SLC2A13: variants seen among roughly 807,000 people sequenced by gnomAD.
SLC2A13 encodes the protein proton myo-inositol cotransporter.
Under a neutral mutation model 64.4 loss-of-function variants are expected in SLC2A13, and 32 were observed. The observed-to-expected ratio is 0.50, with a 90% confidence interval of 0.37 to 0.67. The LOEUF (loss-of-function observed/expected upper bound fraction) is 0.67, where lower values mean the gene tolerates loss of function less well. Ranked by LOEUF, SLC2A13 falls within the 30% of genes least tolerant of loss-of-function variation. The pLI is 0.00. For synonymous variants in SLC2A13, 338 were observed against 327.1 expected (o/e 1.03, Z -0.36); for missense variants, 743 against 829.2 (o/e 0.90, Z 1.28).
chr12:40,045,241 A>C (rs564858413), intron 2 of SLC2A13, among the ~76,000 whole-genome samples: 1 of 152,192 alleles, frequency 6.6e-6, no homozygotes, highest in Admixed American at 6.6e-5. Flanking sequence ...AAAATATTCA[A>C]ATTATTTGAA....
intron 4 of SLC2A13, among the ~76,000 whole-genome samples, chr12:39,881,179 G>A (rs11614400): frequency 0.029 from 4,417 of 152,328 alleles, 90 homozygotes; most frequent in Non-Finnish European, 0.049. Flanking sequence ...TAAAAGTTGT[G>A]TGGGTAACAC....
chr12:39,991,830 T>C (rs1316304858), intron 3 of SLC2A13, among the ~76,000 whole-genome samples: 1 of 152,152 alleles, frequency 6.6e-6, no homozygotes, highest in African/African-American at 2.4e-5. Context: ...ACGGTGATGG[T>C]AGTTGAGTTA....
intron 1 of SLC2A13, among the ~76,000 whole-genome samples, chr12:40,053,189 G>A (rs1592042873): frequency 6.6e-6 from 1 of 151,306 alleles, no homozygotes; most frequent in Non-Finnish European, 1.5e-5. Flanking sequence ...GGCTGAGGCA[G>A]GGGAATTGCT....
chr12:39,877,005 T>G (rs1262752694), intron 4 of SLC2A13, among the ~76,000 whole-genome samples: 1 of 152,180 alleles, frequency 6.6e-6, no homozygotes, highest in Non-Finnish European at 1.5e-5. Context: ...GCTATAAATA[T>G]ATATATTTTT....
At chr12:39,830,276 C>T (rs1014482060) in intron 6 of SLC2A13, 48 bp from the exon 7 acceptor site, 1 of 1,593,130 alleles carries the variant, frequency 6.3e-7, no homozygotes, top group African/African-American at 1.3e-5. Context: ...ACAACTGGTG[C>T]TCACCATATA....
chr12:39,772,929 C>T (rs1224802326), intron 7 of SLC2A13, among the ~76,000 whole-genome samples: 1 of 152,196 alleles, frequency 6.6e-6, no homozygotes, highest in Non-Finnish European at 1.5e-5. Flanking sequence ...GGCAGAGTTA[C>T]ATACTCAGCA....
intron 6 of SLC2A13, among the ~76,000 whole-genome samples, chr12:39,847,098 C>T (rs1482769348): frequency 6.6e-6 from 1 of 152,156 alleles, no homozygotes. Context: ...TTTCTTGTCA[C>T]CTGCAAAGTT....
chr12:39,780,085 T>A (rs1017904890), intron 7 of SLC2A13, among the ~76,000 whole-genome samples: 1 of 152,208 alleles, frequency 6.6e-6, no homozygotes, highest in African/African-American at 2.4e-5. Context: ...CCTCATTTGA[T>A]GAAATTGACT....
At chr12:39,997,952 A>T (rs148486923) in intron 3 of SLC2A13, among the ~76,000 whole-genome samples, 1 of 152,356 alleles carries the variant, frequency 6.6e-6, no homozygotes, top group East Asian at 1.9e-4. Context: ...CACTATGGAA[A>T]GCCGTGTGGA....
intron 3 of SLC2A13, among the ~76,000 whole-genome samples, chr12:39,969,677 T>C (rs1202864451): frequency 6.6e-6 from 1 of 152,154 alleles, no homozygotes; most frequent in Non-Finnish European, 1.5e-5. Flanking sequence ...TTTGTTGGAG[T>C]TCATTGTAGA....
At chr12:39,869,472 A>C (rs975899210) in intron 5 of SLC2A13, among the ~76,000 whole-genome samples, 1 of 152,202 alleles carries the variant, frequency 6.6e-6, no homozygotes, top group African/African-American at 2.4e-5. Context: ...AATTGGCCAC[A>C]TAATAAGGAA....
intron 2 of SLC2A13, among the ~76,000 whole-genome samples, chr12:40,047,436 A>C (rs181344548): frequency 6.6e-6 from 1 of 152,310 alleles, no homozygotes; most frequent in Admixed American, 6.5e-5. Flanking sequence ...AGTACTATAA[A>C]GATATCAAAA....
intron 1 of SLC2A13, among the ~76,000 whole-genome samples, chr12:40,094,910 A>G (rs1938887533): frequency 1.3e-5 from 2 of 152,236 alleles, no homozygotes; most frequent in South Asian, 4.1e-4. Context: ...CAGTTCATCT[A>G]TAGAAACAGG....
chr12:39,860,165 T>C (rs532296493), intron 6 of SLC2A13, among the ~76,000 whole-genome samples: 2 of 152,310 alleles, frequency 1.3e-5, no homozygotes, highest in South Asian at 4.1e-4. Flanking sequence ...AGGTGGTTAG[T>C]CTGTGTGCCC....
intron 7 of SLC2A13, among the ~76,000 whole-genome samples, chr12:39,767,695 T>C (rs4533100): frequency 0.97 from 147,993 of 152,192 alleles, 71,956 homozygotes; most frequent in East Asian, 1. Context: ...TTTTGAATTG[T>C]AGTTCCCATA....
At chr12:40,022,609 G>A (rs1382198550) in intron 3 of SLC2A13, among the ~76,000 whole-genome samples, 1 of 152,196 alleles carries the variant, frequency 6.6e-6, no homozygotes, top group Non-Finnish European at 1.5e-5. Context: ...GGCCAAGGCA[G>A]GTGGATCACT....
At position 39,951,139 on chromosome 12, in the gene SLC2A13, A is replaced by G. The variant is rs1946221673; in HGVS notation, c.1034+118T>C. On this transcript the variant is annotated intron_variant, in intron 4 of 9. Coordinates refer to ENST00000280871, the MANE Select transcript of SLC2A13 (RefSeq NM_052885.4). ...TCAGTATCTCCCAAAAGGAGAATTC[A>G]TACATTTAATCAGAACAAATCACTG... 3 of 780,242 alleles carry G rather than the reference A, an allele frequency of 3.8e-6. No individual in the cohort carries two copies. The East Asian group carries it at 9.1e-5, about 24-fold the overall frequency. The allele number at this position is 780,242 out of a possible 1,614,324, so 48.3% of individuals were successfully genotyped here.
At chr12:39,763,005 G>A (rs893248979) in intron 9 of SLC2A13, among the ~76,000 whole-genome samples, 4 of 151,894 alleles carry the variant, frequency 2.6e-5, no homozygotes, top group African/African-American at 9.7e-5. Context: ...TTATTATTTG[G>A]TCTATGCCTT....
At chr12:39,814,130 A>T (rs1478718914) in intron 7 of SLC2A13, among the ~76,000 whole-genome samples, 1 of 152,216 alleles carries the variant, frequency 6.6e-6, no homozygotes, top group Non-Finnish European at 1.5e-5. Context: ...TTAAGAATTA[A>T]ATTAATTTAA....
Sources: gnomAD v4.1 joint callset for allele counts (sites outside exome capture counted in the v4.1 genomes callset) on GRCh38, gnomAD v4.1.1 for gene constraint, MANE v1.5 for transcripts, NCBI Gene and HGNC (gene_info 2026-07-23, HGNC 2026-07-21) for gene names.